Variants in KANK1 observed in about 807,000 individuals in gnomAD.
KANK1 encodes KN motif and ankyrin repeat domains 1.
Under a neutral mutation model 106.2 loss-of-function variants are expected in KANK1, and 109 were observed. The observed-to-expected ratio is 1.03, with a 90% confidence interval of 0.88 to 1.20. The LOEUF is 1.20. KANK1 is among the 50% of genes most tolerant of loss of function. KANK1 has a pLI of 0.00. For synonymous variants in KANK1, 873 were observed against 652.2 expected (o/e 1.34, Z -5.16); for missense variants, 2,399 against 1,710.7 (o/e 1.40, Z -7.10).
chr9:513,976 C>T (rs148685752), intron 1 of KANK1, among the ~76,000 whole-genome samples: 9 of 152,056 alleles, frequency 5.9e-5, no homozygotes, highest in East Asian at 3.9e-4. Context: ...AAAATCACGC[C>T]GCTGCATTCC....
chr9:568,713 G>A (rs1038369200), intron 1 of KANK1, among the ~76,000 whole-genome samples: 11 of 152,020 alleles, frequency 7.2e-5, no homozygotes, highest in African/African-American at 2.4e-5. Flanking sequence ...GGCTGATCTC[G>A]AACTCCTGGC....
In KANK1 at chr9:604,134, AT is replaced by A. The variant is rs532125741; in HGVS notation, c.-83-72754del. 1.7e-3 allele frequency among the ~76,000 whole-genome samples: 256 copies of A among 151,826 alleles called. 1 individual carries two copies. The highest frequency in any genetic ancestry group is 4.2e-3 in the South Asian group (20 of 4,818). Reference sequence around the variant, plus strand: ...GTCTAAGATTAATGTTACAGCTGATATTCAAAGTACCAAATACGTTATTGTT... The same window carrying A: ...GTCTAAGATTAATGTTACAGCTGATATCAAAGTACCAAATACGTTATTGTT... On this transcript the variant is annotated intron_variant, in intron 1 of 11. Coordinates refer to ENST00000382297, the MANE Select transcript of KANK1 (RefSeq NM_015158.5).
chr9:741,953 A>G (rs796970853), intron 9 of KANK1, among the ~76,000 whole-genome samples: 64 of 152,278 alleles, frequency 4.2e-4, no homozygotes, highest in African/African-American at 1.5e-3. Flanking sequence ...CTGAACTTCC[A>G]GCCCCTTACT....
chr9:537,657 A>T (rs971953638), intron 1 of KANK1, among the ~76,000 whole-genome samples: 1 of 152,042 alleles, frequency 6.6e-6, no homozygotes, highest in Non-Finnish European at 1.5e-5. Flanking sequence ...CATTCGGAGC[A>T]GTGATTCTCA....
chr9:560,011 T>C (rs1441567901), intron 1 of KANK1, among the ~76,000 whole-genome samples: 4 of 152,234 alleles, frequency 2.6e-5, no homozygotes, highest in African/African-American at 7.2e-5. Context: ...TCTGACTCCA[T>C]GTTTTCTATT....
intron 1 of KANK1, among the ~76,000 whole-genome samples, chr9:616,059 T>G (rs1831749282): frequency 6.6e-6 from 1 of 152,172 alleles, no homozygotes; most frequent in Non-Finnish European, 1.5e-5. Context: ...GTCCTACCAG[T>G]GTCACCTCCC....
chr9:599,701 A>G, intron 1 of KANK1, among the ~76,000 whole-genome samples: 1 of 151,938 alleles, frequency 6.6e-6, no homozygotes, highest in Admixed American at 6.5e-5. Flanking sequence ...TCAACCCAAC[A>G]TGGATTGAAA....
rs142564148 is a variant in KANK1 at position 711,994 on chromosome 9, A to G, written c.1228A>G (p.Asn410Asp). The G allele has an allele frequency of 6.2e-7, 1 of 1,614,158 alleles. No homozygotes were observed. Among genetic ancestry groups the G allele is most frequent in the African/African-American group, 1.3e-5 (1 of 75,044 alleles). The change falls in exon 3 of 12, where the codon AAC (asparagine) becomes GAC (aspartate). Residue 410 changes from asparagine (N) to aspartate (D), a missense_variant. Physicochemically the swap from Asn to Asp is conservative, Grantham distance 23. Coordinates refer to ENST00000382297, the MANE Select transcript of KANK1 (RefSeq NM_015158.5). ...SVAVGAEENMNDIVVYHRGSR... is the reference protein window; with the variant it reads ...SVAVGAEENMDDIVVYHRGSR... ...GGCTGTGGGTGCCGAGGAGAACATG[A>G]ACGACATCGTCGTGTACCACAGAGG...
chr9:591,962 A>G (rs948530791), intron 1 of KANK1, among the ~76,000 whole-genome samples: 17 of 151,626 alleles, frequency 1.1e-4, no homozygotes, highest in African/African-American at 3.7e-4. Flanking sequence ...CCCAGCCACA[A>G]TTATCATTTC....
intron 1 of KANK1, among the ~76,000 whole-genome samples, chr9:553,794 A>G (rs1874047): frequency 0.2 from 29,857 of 152,132 alleles, 3,264 homozygotes; most frequent in East Asian, 0.29. Context: ...TACAAAATCT[A>G]TACTAAGAAA....
At chr9:589,464 T>C (rs1250437961) in intron 1 of KANK1, among the ~76,000 whole-genome samples, 2 of 151,378 alleles carry the variant, frequency 1.3e-5, no homozygotes, top group Non-Finnish European at 3.0e-5. Context: ...GGGAGCAGAG[T>C]TGGGGTAAGG....
chr9:581,853 C>T (rs1471828781), intron 1 of KANK1, among the ~76,000 whole-genome samples: 2 of 152,110 alleles, frequency 1.3e-5, no homozygotes, highest in African/African-American at 4.8e-5. Context: ...CAGCCATCCT[C>T]CTGGGGTTGC....
At chr9:674,051 A>G (rs571113883) in intron 1 of KANK1, 46 of 152,144 alleles carry the variant, frequency 3.0e-4, no homozygotes, top group Middle Eastern at 3.4e-3. Flanking sequence ...TCAGAAATGT[A>G]TAGACATTCA....
At chr9:541,439 T>A (rs1237086339) in intron 1 of KANK1, among the ~76,000 whole-genome samples, 1 of 152,190 alleles carries the variant, frequency 6.6e-6, no homozygotes, top group Admixed American at 6.5e-5. Flanking sequence ...GACTAAAGAT[T>A]GGGGGCATGG....
intron 1 of KANK1, among the ~76,000 whole-genome samples, chr9:625,849 C>T (rs1834212049): frequency 2.0e-5 from 3 of 152,234 alleles, no homozygotes; most frequent in East Asian, 1.9e-4. Flanking sequence ...CTAGGCTGCC[C>T]ATATCTCTCA....
chr9:549,312 ACTGACTGTGCC>A, intron 1 of KANK1: 1 of 152,538 alleles, frequency 6.6e-6, no homozygotes, highest in African/African-American at 2.4e-5. Flanking sequence ...GACCCCTGTC[ACTGACTGTGCC>A]CTTTGGGAAA....
At chr9:591,454 C>G (rs1458558183) in intron 1 of KANK1, among the ~76,000 whole-genome samples, 1 of 151,698 alleles carries the variant, frequency 6.6e-6, no homozygotes, top group Non-Finnish European at 1.5e-5. Flanking sequence ...GCCTGCAGGG[C>G]CTGGCACGAT....
intron 1 of KANK1, among the ~76,000 whole-genome samples, chr9:655,292 A>C (rs1369753358): frequency 4.0e-5 from 6 of 150,470 alleles, no homozygotes; most frequent in African/African-American, 1.2e-4. Context: ...AATCGCTTGA[A>C]CCCGGGAGGC....
intron 1 of KANK1, among the ~76,000 whole-genome samples, chr9:573,063 T>C (rs1819618940): frequency 1.3e-5 from 2 of 152,242 alleles, no homozygotes; most frequent in African/African-American, 4.8e-5. Flanking sequence ...TACTGGCAGA[T>C]ATGGAAGAGA....
Sources: gnomAD v4.1 joint callset for allele counts (sites outside exome capture counted in the v4.1 genomes callset) on GRCh38, gnomAD v4.1.1 for gene constraint, MANE v1.5 for transcripts, NCBI Gene and HGNC (gene_info 2026-07-23, HGNC 2026-07-21) for gene names.